The following FUT9 variants were observed in gnomAD, a reference collection of about 807,000 sequenced individuals.
FUT9 encodes 4-galactosyl-N-acetylglucosaminide 3-alpha-L-fucosyltransferase 9.
Under a neutral mutation model 29.7 loss-of-function variants are expected in FUT9, and 15 were observed. The observed-to-expected ratio is 0.51, with a 90% CI of 0.34 to 0.78. The LOEUF (loss-of-function observed/expected upper bound fraction) is 0.78. Among genes scored for constraint, FUT9 ranks in the 30% least tolerant of loss-of-function variants. The pLI, the probability that FUT9 is intolerant of heterozygous loss-of-function variation, is 0.01. For synonymous variants in FUT9, 169 were observed against 153.7 expected (o/e 1.10, Z -0.74); for missense variants, 319 against 425.4 (o/e 0.75, Z 2.20).
chr6:96,080,973 T>C (rs1376559244), intron 1 of FUT9, among the ~76,000 whole-genome samples: 3 of 151,906 alleles, frequency 2.0e-5, no homozygotes, highest in Admixed American at 6.6e-5. Context: ...TAATATCACA[T>C]TTTCATTCAT....
chr6:96,036,118 A>G (rs1314138477), intron 1 of FUT9, among the ~76,000 whole-genome samples: 1 of 145,386 alleles, frequency 6.9e-6, no homozygotes, highest in Non-Finnish European at 1.5e-5. Context: ...TAATATTATG[A>G]AAGTTCTCAT....
In FUT9 at chr6:96,214,056, GC is replaced by G. The variant is rs1218299967; in HGVS notation, c.*9823del. The G allele has an allele frequency of 6.0e-6, 1 of 166,874 alleles. No individual in the cohort carries two copies. Among genetic ancestry groups the G allele is most frequent in the Non-Finnish European group, 1.5e-5 (1 of 68,026 alleles). The allele number at this position is 166,874 out of a possible 1,614,324, so 10.3% of individuals were successfully genotyped here. ...AAAATGTTATTCATAGTGCTAATGA[GC>G]CAATAAACAATGCTGCGTTTCTTTT... On this transcript the variant is annotated 3_prime_UTR_variant, in exon 3 of 3. Transcript: ENST00000302103.
chr6:96,117,648 G>T (rs1265025645), intron 2 of FUT9, among the ~76,000 whole-genome samples: 1 of 152,146 alleles, frequency 6.6e-6, no homozygotes, highest in African/African-American at 2.4e-5. Context: ...ACTTGCCTAG[G>T]ATCAGCAGTT....
At position 96,150,522 on chromosome 6, in the gene FUT9, G is replaced by A. The variant is rs977908306; in HGVS notation, c.-9+36395G>A. 5.3e-5 allele frequency among the ~76,000 whole-genome samples: 8 copies of A among 152,286 alleles called. 1 individual carries two copies. The highest frequency in any genetic ancestry group is 1.7e-4 in the African/African-American group (7 of 41,574). On this transcript the variant is annotated intron_variant, in intron 2 of 2. Coordinates refer to ENST00000302103, the MANE Select transcript of FUT9 (RefSeq NM_006581.4). Reference sequence around the variant, plus strand: ...CACTTTAATCATCAGGCTTGGACCAGGTACAGAGGGTTTTAAGAAGGAGAA... The same window carrying A: ...CACTTTAATCATCAGGCTTGGACCAAGTACAGAGGGTTTTAAGAAGGAGAA...
chr6:96,157,592 T>C lies in FUT9; in HGVS notation c.-9+43465T>C, dbSNP rs1001642038. Among the ~76,000 whole-genome samples the C allele has an allele frequency of 4.6e-5, 7 of 152,136 alleles. No individual in the cohort carries two copies. The South Asian group carries it at 6.2e-4, about 13-fold the overall frequency. On this transcript the variant is annotated intron_variant, in intron 2 of 2. Transcript: ENST00000302103. ...GGCAACCATGGTTTTAATGGTTCTC[T>C]GAATCAAGCAAAAGCAATGTAGGAA...
intron 2 of FUT9, among the ~76,000 whole-genome samples, chr6:96,143,568 T>C (rs1217460092): frequency 1.3e-5 from 2 of 151,944 alleles, no homozygotes. Flanking sequence ...TTTTCTCCTT[T>C]CCTTCTTCTT....
At chr6:96,079,068 CTTTA>C (rs1384586980) in intron 1 of FUT9, among the ~76,000 whole-genome samples, 1 of 152,140 alleles carries the variant, frequency 6.6e-6, no homozygotes, top group Non-Finnish European at 1.5e-5. Context: ...CTGATCTGCA[CTTTA>C]TTTCTTTACT....
intron 1 of FUT9, among the ~76,000 whole-genome samples, chr6:96,071,055 ATC>A (rs1397277552): frequency 1.3e-5 from 2 of 152,228 alleles, no homozygotes; most frequent in African/African-American, 4.8e-5. Context: ...CATTAAAACA[ATC>A]TCAGTCTATC....
In FUT9 at chr6:96,016,191, T is replaced by G. The variant is rs147519286; in HGVS notation, c.-119T>G. On this transcript the variant is annotated 5_prime_UTR_variant, in exon 1 of 3. It removes an upstream start codon present in the reference 5' UTR. Coordinates refer to ENST00000302103, the MANE Select transcript of FUT9 (RefSeq NM_006581.4). ...GCGCAGCCCTCGCGAGCGCCCCGGA[T>G]GGCGCTTTACCCCTAGGACCGGTGA... 1,193 of 153,610 alleles carry G rather than the reference T, an allele frequency of 7.8e-3. 56 individuals carry two copies. The highest frequency in any genetic ancestry group is 0.074 in the Admixed American group (1,125 of 15,306). 9.5% of individuals were successfully genotyped at this position (153,610 alleles called of 1,614,324 possible). A position where few individuals can be genotyped will look rare whatever the true frequency, so the allele number is the denominator to read the frequency against.
chr6:96,064,672 C>T (rs1264161632), intron 1 of FUT9, among the ~76,000 whole-genome samples: 2 of 152,006 alleles, frequency 1.3e-5, no homozygotes, highest in Non-Finnish European at 2.9e-5. Flanking sequence ...TTGATTTGTC[C>T]TCTATTCTTG....
At chr6:96,123,951 G>A (rs1421033766) in intron 2 of FUT9, among the ~76,000 whole-genome samples, 1 of 151,720 alleles carries the variant, frequency 6.6e-6, no homozygotes, top group East Asian at 2.0e-4. Flanking sequence ...AACAGATGTG[G>A]AAAGGTAGTA....
chr6:96,141,600 G>A (rs1278540042), intron 2 of FUT9, among the ~76,000 whole-genome samples: 1 of 152,226 alleles, frequency 6.6e-6, no homozygotes, highest in Non-Finnish European at 1.5e-5. Flanking sequence ...GAACAGAAAG[G>A]AGAAGGCAGA....
At chr6:96,130,219 ATAAAT>A (rs1772216667) in intron 2 of FUT9, among the ~76,000 whole-genome samples, 1 of 152,136 alleles carries the variant, frequency 6.6e-6, no homozygotes, top group Non-Finnish European at 1.5e-5. Flanking sequence ...AATTTTAAAA[ATAAAT>A]TTAAGAAAGG....
chr6:96,079,982 C>A (rs1180119756), intron 1 of FUT9, among the ~76,000 whole-genome samples: 1 of 151,902 alleles, frequency 6.6e-6, no homozygotes, highest in Non-Finnish European at 1.5e-5. Flanking sequence ...GCCTTTACAA[C>A]AATGTATCTG....
chr6:96,212,693 GA>G lies in FUT9; in HGVS notation c.*8461del, dbSNP rs1485459158. On this transcript the variant is annotated 3_prime_UTR_variant, in exon 3 of 3. Transcript: ENST00000302103. ...TGCAACTGGTCAAAATTACTTGAATGAAATTGTTGAGGTTAAACATCTTCAT... is the reference window on the plus strand; with the variant it reads ...TGCAACTGGTCAAAATTACTTGAATGAATTGTTGAGGTTAAACATCTTCAT... 4.8e-6 allele frequency: 1 copy of G among 208,626 alleles called. No individual in the cohort carries two copies. Among genetic ancestry groups the G allele is most frequent in the Non-Finnish European group, 1.0e-5 (1 of 96,468 alleles). The allele number at this position is 208,626 out of a possible 1,614,324, so 12.9% of individuals were successfully genotyped here.
At chr6:96,136,807 T>C (rs1398437045) in intron 2 of FUT9, among the ~76,000 whole-genome samples, 1 of 151,894 alleles carries the variant, frequency 6.6e-6, no homozygotes, top group Non-Finnish European at 1.5e-5. Context: ...AAAAAAATAA[T>C]TGCGAGGCTA....
At chr6:96,066,152 A>AGTTTT (rs1770958202) in intron 1 of FUT9, among the ~76,000 whole-genome samples, 2 of 152,094 alleles carry the variant, frequency 1.3e-5, no homozygotes, top group Non-Finnish European at 2.9e-5. Flanking sequence ...CCCAATAACT[A>AGTTTT]CCTTATAGTA....
Position 96,097,331 on chromosome 6 carries a change from T to C in FUT9, c.-97-16708T>C, listed in dbSNP as rs1582227115. ...CCCAAGCTCAGAAGAGTGGGTTGTG[T>C]GCTCTCTTCCAATCCTGCTTTTTGC... On this transcript the variant is annotated intron_variant, in intron 1 of 2. Coordinates refer to ENST00000302103, the MANE Select transcript of FUT9 (RefSeq NM_006581.4). Among the ~76,000 whole-genome samples, 3 of 152,302 alleles carry C rather than the reference T, an allele frequency of 2.0e-5. No individual in the cohort carries two copies. In the East Asian group the frequency reaches 5.8e-4, roughly 29 times the overall value.
At chr6:96,082,796 C>T (rs887092692) in intron 1 of FUT9, among the ~76,000 whole-genome samples, 7 of 151,982 alleles carry the variant, frequency 4.6e-5, no homozygotes, top group Non-Finnish European at 1.0e-4. Context: ...TTCTCCAACT[C>T]TAACTTACTG....
Sources: gnomAD v4.1 joint callset for allele counts (sites outside exome capture counted in the v4.1 genomes callset) on GRCh38, gnomAD v4.1.1 for gene constraint, MANE v1.5 for transcripts, NCBI Gene and HGNC (gene_info 2026-07-23, HGNC 2026-07-21) for gene names.